SLC25A48: variants seen among roughly 807,000 people sequenced by gnomAD.
SLC25A48 encodes the protein CTC-321K16.1.
Under a neutral mutation model 32.2 loss-of-function variants are expected in SLC25A48, and 29 were observed. The observed-to-expected ratio is 0.90, with a 90% confidence interval of 0.67 to 1.23. The LOEUF (loss-of-function observed/expected upper bound fraction) is 1.23, where lower values mean the gene tolerates loss of function less well. SLC25A48 is among the 50% of genes most tolerant of loss of function. SLC25A48 has a pLI of 0.00. For synonymous variants in SLC25A48, 164 were observed against 172.3 expected, an observed-to-expected ratio of 0.95 and a Z score of 0.38; for missense variants, 399 against 422.7, an observed-to-expected ratio of 0.94 and a Z score of 0.49.
chr5:135,888,148 G>A lies in SLC25A48; in HGVS notation c.*124G>A. The A allele has an allele frequency of 1.0e-5, 15 of 1,498,964 alleles. No individual in the cohort carries two copies. The highest frequency in any genetic ancestry group is 1.4e-5 in the Non-Finnish European group (15 of 1,100,836). 92.9% of individuals were successfully genotyped at this position (1,498,964 alleles called of 1,614,324 possible). A position where few individuals can be genotyped will look rare whatever the true frequency, so the allele number is the denominator to read the frequency against. ...AAGTGGACATCAATTAGCAAGCGTG[G>A]GCTAGGATGGTGCAGACACTGACGT... On this transcript the variant is annotated 3_prime_UTR_variant, in exon 8 of 8. Transcript: ENST00000681962.
At chr5:135,794,969 A>G (rs1236599316) in intron 3 of SLC25A48, among the ~76,000 whole-genome samples, 1 of 151,600 alleles carries the variant, frequency 6.6e-6, no homozygotes, top group Non-Finnish European at 1.5e-5. Context: ...CCATTCTGTG[A>G]TATGGTTCCT....
intron 3 of SLC25A48, among the ~76,000 whole-genome samples, chr5:135,645,909 C>T (rs1438711916): frequency 6.6e-6 from 1 of 152,064 alleles, no homozygotes; most frequent in Non-Finnish European, 1.5e-5. Flanking sequence ...AAGTTCAGGG[C>T]CAAGGGAGGA....
intron 4 of SLC25A48, among the ~76,000 whole-genome samples, chr5:135,868,288 C>T (rs1029264711): frequency 1.1e-4 from 16 of 152,162 alleles, no homozygotes; most frequent in Middle Eastern, 3.4e-3. Flanking sequence ...AGACAAACCC[C>T]GAATCAGGAA....
chr5:135,811,472 G>A (rs1757589868), intron 3 of SLC25A48, among the ~76,000 whole-genome samples: 1 of 152,114 alleles, frequency 6.6e-6, no homozygotes, highest in African/African-American at 2.4e-5. Context: ...TCGTCAGGAG[G>A]AATAAGTTCC....
chr5:135,886,588 AATATAT>A lies in SLC25A48; in HGVS notation c.*8-1400_*8-1395del, dbSNP rs147005349. The stretch of plus-strand genomic sequence containing the variant: ...AACACATTATGGTTCTATTTAACCA[AATATAT>A]ATATATATATATATATATATATATA... On this transcript the variant is annotated intron_variant, in intron 7 of 7. Transcript: ENST00000681962. 2.8e-3 allele frequency among the ~76,000 whole-genome samples: 99 copies of A among 35,406 alleles called. 1 individual carries two copies. The highest frequency in any genetic ancestry group is 7.6e-3 in the African/African-American group (43 of 5,658). 23.2% of individuals were successfully genotyped at this position (35,406 alleles called of 152,430 possible). A position where few individuals can be genotyped will look rare whatever the true frequency, so the allele number is the denominator to read the frequency against.
At chr5:135,663,129 T>C (rs982677099) in intron 3 of SLC25A48, among the ~76,000 whole-genome samples, 2 of 152,284 alleles carry the variant, frequency 1.3e-5, no homozygotes, top group South Asian at 4.1e-4. Context: ...CCATGACATA[T>C]CATTGCTCAC....
intron 3 of SLC25A48, among the ~76,000 whole-genome samples, chr5:135,720,710 C>T (rs1181972245): frequency 1.3e-5 from 2 of 151,656 alleles, no homozygotes; most frequent in African/African-American, 4.8e-5. Flanking sequence ...CACGGAGAGA[C>T]CAGGGTGAAA....
At chr5:135,726,982 A>G (rs1275026155) in intron 3 of SLC25A48, among the ~76,000 whole-genome samples, 1 of 151,992 alleles carries the variant, frequency 6.6e-6, no homozygotes, top group African/African-American at 2.4e-5. Context: ...CACTATTTTC[A>G]GTTTTAGCCT....
At chr5:135,606,636 G>A (rs1042318074) in intron 1 of SLC25A48, among the ~76,000 whole-genome samples, 36 of 152,282 alleles carry the variant, frequency 2.4e-4, no homozygotes, top group African/African-American at 7.9e-4. Flanking sequence ...CAAGCCCCCA[G>A]CTCCTTTGTC....
intron 3 of SLC25A48, among the ~76,000 whole-genome samples, chr5:135,637,701 G>A (rs910418548): frequency 6.6e-6 from 1 of 152,188 alleles, no homozygotes; most frequent in Non-Finnish European, 1.5e-5. Flanking sequence ...CAGAGACTTT[G>A]GTTACAAGGT....
In SLC25A48 at chr5:135,871,691, G is replaced by T. The variant is rs752480953; in HGVS notation, c.652G>T (p.Ala218Ser). 2 of 1,613,856 alleles carry T rather than the reference G, an allele frequency of 1.2e-6. No homozygotes were observed. The highest frequency in any genetic ancestry group is 1.7e-6 in the Non-Finnish European group (2 of 1,179,806). Residue 218 changes from alanine (A) to serine (S), a missense_variant, in exon 5 of 8, where the codon GCC (alanine) becomes TCC (serine). Transcript: ENST00000681962. Reference protein sequence around the residue: ...PEACTGPSPCAVWLAGGMAGA... With the variant: ...PEACTGPSPCSVWLAGGMAGA... ...GGCCTGCACAGGCCCCAGCCCCTGTGCCGTGTGGCTGGCGGGCGGCATGGC... is the reference window on the plus strand; with the variant it reads ...GGCCTGCACAGGCCCCAGCCCCTGTTCCGTGTGGCTGGCGGGCGGCATGGC...
chr5:135,845,813 C>T (rs956423972), intron 2 of SLC25A48, among the ~76,000 whole-genome samples: 2 of 152,166 alleles, frequency 1.3e-5, no homozygotes, highest in Non-Finnish European at 2.9e-5. Context: ...TGGAAGAACC[C>T]GGCTACAAGG....
intron 3 of SLC25A48, among the ~76,000 whole-genome samples, chr5:135,728,322 A>T (rs1259032811): frequency 2.0e-5 from 3 of 152,044 alleles, no homozygotes; most frequent in Non-Finnish European, 4.4e-5. Flanking sequence ...TAGGTTGAAC[A>T]TTTAAAATAG....
chr5:135,750,408 G>A lies in SLC25A48; in HGVS notation c.-520-62115G>A, dbSNP rs573653597. ...CCCAAATGGCCTCACTCTCCCACTG[G>A]CCTTGATTCCCTCCTAGTGGCCTCC... On this transcript the variant is annotated intron_variant, in intron 3 of 10. Transcript: ENST00000646290. 2.0e-5 allele frequency among the ~76,000 whole-genome samples: 3 copies of A among 152,236 alleles called. No homozygotes were observed. The South Asian group carries it at 6.2e-4, about 32-fold the overall frequency.
chr5:135,707,427 C>T (rs1036781961), intron 3 of SLC25A48, among the ~76,000 whole-genome samples: 2 of 152,150 alleles, frequency 1.3e-5, no homozygotes, highest in Non-Finnish European at 2.9e-5. Context: ...TCTGCCCTGC[C>T]CAGATCCCTC....
At chr5:135,760,617 C>T (rs62365687) in intron 3 of SLC25A48, among the ~76,000 whole-genome samples, 61,591 of 151,932 alleles carry the variant, frequency 0.41, 14,337 homozygotes, top group Non-Finnish European at 0.52. Context: ...CTGGAGTGAT[C>T]TGGGAAGTTG....
chr5:135,810,776 C>T (rs17169135), intron 3 of SLC25A48, among the ~76,000 whole-genome samples: 10,584 of 152,218 alleles, frequency 0.07, 881 homozygotes, highest in African/African-American at 0.2. Flanking sequence ...CATCACTGAA[C>T]GCCTTCGCTT....
At chr5:135,582,856 C>G (rs1341394799) in intron 1 of SLC25A48, among the ~76,000 whole-genome samples, 1 of 152,222 alleles carries the variant, frequency 6.6e-6, no homozygotes, top group African/African-American at 2.4e-5. Context: ...TATTCACCAT[C>G]CAGTTCTAAT....
At chr5:135,641,157 G>A (rs1340124336) in intron 3 of SLC25A48, among the ~76,000 whole-genome samples, 2 of 152,168 alleles carry the variant, frequency 1.3e-5, no homozygotes, top group African/African-American at 2.4e-5. Flanking sequence ...CAACATACAC[G>A]ATTAATCAGA....
Sources: allele counts gnomAD v4.1 joint callset (sites outside exome capture counted in the v4.1 genomes callset), GRCh38; gene constraint gnomAD v4.1.1; transcripts MANE v1.5; gene names NCBI Gene and HGNC (gene_info 2026-07-23, HGNC 2026-07-21).